PGBD5: variants seen among roughly 807,000 people sequenced by gnomAD.
The protein encoded by PGBD5 is piggyBac transposable element derived 5.
In PGBD5, 14 loss-of-function variants were observed where a neutral mutation model predicts 47.9. The observed-to-expected ratio is 0.29, with a 90% CI of 0.19 to 0.46. The LOEUF is 0.46. Ranked by LOEUF, PGBD5 falls within the 20% of genes least tolerant of loss-of-function variation. The pLI is 1.00. For missense variants in PGBD5, 635 were observed against 716.0 expected, an observed-to-expected ratio of 0.89 and a Z score of 1.29; for synonymous variants, 316 against 306.3, an observed-to-expected ratio of 1.03 and a Z score of -0.33.
chr1:230,404,072 A>C, intron 1 of PGBD5, among the ~76,000 whole-genome samples: 1 of 152,220 alleles, frequency 6.6e-6, no homozygotes, highest in East Asian at 1.9e-4. Context: ...TCAGAAGATC[A>C]AGACCAGGAA....
intron 1 of PGBD5, among the ~76,000 whole-genome samples, chr1:230,376,140 T>C (rs1328380026): frequency 6.6e-6 from 1 of 152,080 alleles, no homozygotes; most frequent in African/African-American, 2.4e-5. Flanking sequence ...GTGGGATGCG[T>C]GGAGTCCTTC....
intron 1 of PGBD5, among the ~76,000 whole-genome samples, chr1:230,375,956 C>T (rs764387915): frequency 3.3e-5 from 5 of 151,538 alleles, no homozygotes; most frequent in Admixed American, 6.6e-5. Flanking sequence ...CCTCAGTCCG[C>T]CTACCTTGCA....
intron 1 of PGBD5, among the ~76,000 whole-genome samples, chr1:230,379,545 C>T (rs1365585797): frequency 6.6e-6 from 1 of 152,238 alleles, no homozygotes; most frequent in African/African-American, 2.4e-5. Flanking sequence ...ACTTTCTGTA[C>T]CTTTTCAGTT....
intron 1 of PGBD5, among the ~76,000 whole-genome samples, chr1:230,382,911 G>A (rs1656547889): frequency 6.9e-6 from 1 of 144,662 alleles, no homozygotes; most frequent in Admixed American, 6.8e-5. Context: ...AATGTCAGAT[G>A]TTACTACTTC....
rs1327495989 is a variant in PGBD5 at position 230,361,301 on chromosome 1, G to A, written c.332-3980C>T. 2.6e-5 allele frequency among the ~76,000 whole-genome samples: 4 copies of A among 152,196 alleles called. No individual in the cohort carries two copies. The East Asian group carries it at 7.7e-4, about 29-fold the overall frequency. ...TTTAAAAAAAAATTAAAAAGCAAAG[G>A]CAGAATGGAATTGGGAAGGAGGAGG... is the stretch of plus-strand genomic sequence containing the variant. On this transcript the variant is annotated intron_variant, in intron 1 of 6. Transcript: ENST00000391860.
rs1410557819 is a variant in PGBD5, at chr1:230,316,112, A to G, written c.*7313T>C. The G allele has an allele frequency of 6.6e-6, 1 of 150,864 alleles. No homozygotes were observed. Among genetic ancestry groups the G allele is most frequent in the Non-Finnish European group, 1.5e-5 (1 of 67,428 alleles). 9.3% of individuals were successfully genotyped at this position (150,864 alleles called of 1,614,324 possible). ...TACATACATATGTTTATGTGTACAC[A>G]TATATCTATGTGTATACATACATAT... On this transcript the variant is annotated 3_prime_UTR_variant, in exon 7 of 7. Transcript: ENST00000391860.
At chr1:230,403,865 C>T (rs1457929509) in intron 1 of PGBD5, among the ~76,000 whole-genome samples, 1 of 152,082 alleles carries the variant, frequency 6.6e-6, no homozygotes, top group African/African-American at 2.4e-5. Flanking sequence ...CAGACACACC[C>T]CCAGAAAGAG....
intron 1 of PGBD5, among the ~76,000 whole-genome samples, chr1:230,411,445 A>G (rs1657407887): frequency 6.6e-6 from 1 of 152,254 alleles, no homozygotes; most frequent in Non-Finnish European, 1.5e-5. Flanking sequence ...GCCTTAGAAT[A>G]AACAAATGAT....
chr1:230,396,293 AC>A lies in PGBD5; in HGVS notation c.331+29304del, dbSNP rs202246183. 2.7e-3 allele frequency among the ~76,000 whole-genome samples: 162 copies of A among 58,998 alleles called. 1 individual carries two copies. Among genetic ancestry groups the A allele is most frequent in the South Asian group, 9.2e-3 (11 of 1,190 alleles). 38.7% of individuals were successfully genotyped at this position (58,998 alleles called of 152,430 possible). On this transcript the variant is annotated intron_variant, in intron 1 of 6. Transcript: ENST00000391860. Reference sequence around the variant, plus strand: ...TTTTACCCCCACACTCTTCCCTTTTACCCCCACACTCCTCCCTTTTACCCCA... The same window carrying A: ...TTTTACCCCCACACTCTTCCCTTTTACCCCACACTCCTCCCTTTTACCCCA...
rs1392468591 is a variant in PGBD5 at position 230,316,592 on chromosome 1, T to C, written c.*6833A>G. 1 of 152,192 alleles carries C rather than the reference T, an allele frequency of 6.6e-6. No individual in the cohort carries two copies. Among genetic ancestry groups the C allele is most frequent in the East Asian group, 1.9e-4 (1 of 5,182 alleles). The allele number at this position is 152,192 out of a possible 1,614,324, so 9.4% of individuals were successfully genotyped here. On this transcript the variant is annotated 3_prime_UTR_variant, in exon 7 of 7. Transcript: ENST00000391860. ...AGTCAAAAAGTGAAAAATCCTCATC[T>C]GCCCAATTATTGTTTTTTTTTCCTA...
At chr1:230,360,476 G>C (rs186211311) in intron 1 of PGBD5, among the ~76,000 whole-genome samples, 2 of 152,174 alleles carry the variant, frequency 1.3e-5, no homozygotes, top group African/African-American at 4.8e-5. Context: ...TAATCCCCAC[G>C]TGTTGGGGAG....
chr1:230,380,947 G>A (rs896364291), intron 1 of PGBD5, among the ~76,000 whole-genome samples: 2 of 152,346 alleles, frequency 1.3e-5, no homozygotes, highest in Admixed American at 6.5e-5. Flanking sequence ...CTGTGGACAC[G>A]GATGGCTCTG....
chr1:230,341,239 G>A (rs149550303), intron 3 of PGBD5, among the ~76,000 whole-genome samples: 1 of 152,168 alleles, frequency 6.6e-6, no homozygotes, highest in Non-Finnish European at 1.5e-5. Context: ...AGGAAAAACT[G>A]TTGGCAAGGC....
intron 1 of PGBD5, among the ~76,000 whole-genome samples, chr1:230,389,038 C>T (rs1349053467): frequency 1.3e-5 from 2 of 152,240 alleles, no homozygotes; most frequent in Non-Finnish European, 2.9e-5. Context: ...CTGCCTTGGG[C>T]TCAGACCGCT....
intron 1 of PGBD5, among the ~76,000 whole-genome samples, chr1:230,383,950 C>T (rs948411388): frequency 2.0e-5 from 3 of 152,154 alleles, no homozygotes; most frequent in African/African-American, 4.8e-5. Context: ...AGATCAGGCT[C>T]GGTCCTCCCC....
At chr1:230,363,959 A>C (rs951005957) in intron 1 of PGBD5, among the ~76,000 whole-genome samples, 4 of 152,192 alleles carry the variant, frequency 2.6e-5, no homozygotes, top group African/African-American at 9.7e-5. Context: ...TAAAGTAATC[A>C]CCATTTCTCT....
intron 6 of PGBD5, among the ~76,000 whole-genome samples, chr1:230,324,456 AGACTTGTTCAAT>A (rs1262957561): frequency 6.6e-6 from 1 of 152,240 alleles, no homozygotes; most frequent in African/African-American, 2.4e-5. Context: ...CGTTCAACAA[AGACTTGTTCAAT>A]GAATCCCCAA....
Position 230,323,163 on chromosome 1 carries a change from C to G in PGBD5, c.*262G>C. On this transcript the variant is annotated 3_prime_UTR_variant, in exon 7 of 7. Coordinates refer to ENST00000391860, the MANE Select transcript of PGBD5 (RefSeq NM_001258311.2). This position sits in a 1 kb window ranked among gnomAD's most constrained non-coding sequence, Gnocchi z 4.1. ...AGCTCCACGGATGTCATGAGAGAAT[C>G]TGCCCTTGAGAACGTGGGTGTAAGT... The G allele has an allele frequency of 2.1e-6, 1 of 471,624 alleles. No homozygotes were observed. The allele number at this position is 471,624 out of a possible 1,614,324, so 29.2% of individuals were successfully genotyped here.
At chr1:230,330,114 T>TA (rs980498090) in intron 5 of PGBD5, among the ~76,000 whole-genome samples, 80 of 152,114 alleles carry the variant, frequency 5.3e-4, no homozygotes, top group African/African-American at 1.7e-3. Context: ...GTAAGGAACA[T>TA]AAAAAAAATC....
Sources: allele counts gnomAD v4.1 joint callset (sites outside exome capture counted in the v4.1 genomes callset), GRCh38; gene constraint gnomAD v4.1.1; non-coding constraint Gnocchi (gnomAD v3.1); transcripts MANE v1.5; gene names NCBI Gene and HGNC (gene_info 2026-07-23, HGNC 2026-07-21).